The following TMEM132B variants were observed in gnomAD, a reference collection of about 807,000 sequenced individuals.
TMEM132B encodes the protein transmembrane protein 132B.
In TMEM132B, 18 loss-of-function variants were observed where a neutral mutation model predicts 90.8. That is an observed-to-expected ratio of 0.20 (90% CI 0.14 to 0.29). The LOEUF is 0.29. TMEM132B is among the 10% of genes least tolerant of loss of function. The pLI is 1.00. For missense variants in TMEM132B, 1,096 were observed against 1,326.8 expected (o/e 0.83, Z 2.70); for synonymous variants, 504 against 523.3 (o/e 0.96, Z 0.50).
chr12:125,326,499 G>T, intron 1 of TMEM132B: 1 of 1,130,732 alleles, frequency 8.8e-7, no homozygotes, highest in Non-Finnish European at 1.3e-6. Context: ...CGTTGTCCTG[G>T]CAACCTGTAT....
At position 125,222,423 on chromosome 12, in the gene TMEM132B, C is replaced by T. The variant is rs1426145921; in HGVS notation, c.67+35557C>T. Among the ~76,000 whole-genome samples, 4 of 152,076 alleles carry T rather than the reference C, an allele frequency of 2.6e-5. No homozygotes were observed. The East Asian group carries it at 5.8e-4, about 22-fold the overall frequency. On this transcript the variant is annotated intron_variant, in intron 1 of 8. Transcript: ENST00000682704. ...TATGCCAGGAGATCGTAAATTTGGC[C>T]TTGGGTATCCTGGCAGCCAAGGCGA...
At chr12:125,295,860 A>G (rs1875660056) in intron 1 of TMEM132B, among the ~76,000 whole-genome samples, 2 of 152,202 alleles carry the variant, frequency 1.3e-5, no homozygotes, top group Non-Finnish European at 2.9e-5. Flanking sequence ...AAATAAAACG[A>G]TGCATAACAC....
At chr12:125,546,022 C>A (rs1269082633) in intron 4 of TMEM132B, among the ~76,000 whole-genome samples, 5 of 152,116 alleles carry the variant, frequency 3.3e-5, no homozygotes, top group Non-Finnish European at 7.4e-5. Flanking sequence ...TTAAGTATAT[C>A]ATTCAGGGAA....
At chr12:125,625,130 CTT>C (rs1169262449) in intron 5 of TMEM132B, among the ~76,000 whole-genome samples, 32 of 103,896 alleles carry the variant, frequency 3.1e-4, no homozygotes, top group South Asian at 7.1e-4. Context: ...GATTTGACTT[CTT>C]TTTTTTTTTT....
intron 8 of TMEM132B, 146 bp from the exon 9 acceptor site, chr12:125,653,419 C>A: frequency 1.1e-6 from 1 of 885,556 alleles, no homozygotes; most frequent in Non-Finnish European, 1.7e-6. Flanking sequence ...TCAACCAGTT[C>A]AAGGCATAAC....
In TMEM132B at chr12:125,308,275, A is replaced by G. The variant is rs779439688; in HGVS notation, c.68-41177A>G. The stretch of plus-strand genomic sequence containing the variant: ...TTTGCAACTTGCCTATTTTCCCTCA[A>G]CAATGCATCCTGAAGATGGTTTCAC... On this transcript the variant is annotated intron_variant, in intron 1 of 8. Coordinates refer to ENST00000682704, the MANE Select transcript of TMEM132B (RefSeq NM_001366854.1). Among the ~76,000 whole-genome samples, 31 of 152,066 alleles carry G rather than the reference A, an allele frequency of 2.0e-4. No homozygotes were observed. The Middle Eastern group carries it at 0.01, about 50-fold the overall frequency.
At chr12:125,329,369 C>A (rs1388089679) in intron 1 of TMEM132B, among the ~76,000 whole-genome samples, 1 of 152,160 alleles carries the variant, frequency 6.6e-6, no homozygotes, top group Non-Finnish European at 1.5e-5. Flanking sequence ...TGTGCCTGAT[C>A]CATCCCATTG....
intron 3 of TMEM132B, among the ~76,000 whole-genome samples, chr12:125,440,788 G>A (rs1880848744): frequency 6.6e-6 from 1 of 151,970 alleles, no homozygotes. Context: ...AAAAATATCA[G>A]GAGATCTGAC....
At chr12:125,397,584 G>T (rs1319631403) in intron 2 of TMEM132B, among the ~76,000 whole-genome samples, 1 of 152,156 alleles carries the variant, frequency 6.6e-6, no homozygotes, top group African/African-American at 2.4e-5. Context: ...GCCAAGTGTT[G>T]GTCATGGTGT....
chr12:125,480,722 C>A (rs1882015543), intron 3 of TMEM132B, among the ~76,000 whole-genome samples: 1 of 152,098 alleles, frequency 6.6e-6, no homozygotes, highest in Non-Finnish European at 1.5e-5. Context: ...CTATTCCAAT[C>A]AATAGAAAAA....
intron 1 of TMEM132B, among the ~76,000 whole-genome samples, chr12:125,285,868 G>T (rs759653449): frequency 5.9e-5 from 9 of 152,208 alleles, no homozygotes; most frequent in Non-Finnish European, 1.2e-4. Flanking sequence ...CTGGGGTGGT[G>T]GGGGGCATCA....
intron 1 of TMEM132B, among the ~76,000 whole-genome samples, chr12:125,291,440 G>A (rs180766621): frequency 2.0e-5 from 3 of 152,306 alleles, no homozygotes; most frequent in African/African-American, 7.2e-5. Flanking sequence ...GAAGTTAGAG[G>A]GGTTTGAAGT....
rs1447678029 is a variant in TMEM132B, at chr12:125,203,959, G to C, written c.67+17093G>C. Among the ~76,000 whole-genome samples the C allele has an allele frequency of 2.6e-5, 4 of 152,238 alleles. No individual in the cohort carries two copies. The East Asian group carries it at 7.7e-4, about 29-fold the overall frequency. ...GTATAACAGGGGATTGGAATAAAAA[G>C]GGCTGAGAAGTATAGAGAACCTTAA... is the stretch of plus-strand genomic sequence containing the variant. On this transcript the variant is annotated intron_variant, in intron 1 of 8. Transcript: ENST00000682704.
At chr12:125,292,614 T>C (rs1875571337) in intron 1 of TMEM132B, among the ~76,000 whole-genome samples, 1 of 152,226 alleles carries the variant, frequency 6.6e-6, no homozygotes, top group African/African-American at 2.4e-5. Flanking sequence ...TATGGCTAAA[T>C]CCAAGGACTC....
chr12:125,405,207 T>C (rs755826258), intron 2 of TMEM132B, among the ~76,000 whole-genome samples: 1 of 152,222 alleles, frequency 6.6e-6, no homozygotes, highest in African/African-American at 2.4e-5. Context: ...CTCATGCTTT[T>C]CCCCTACCTT....
chr12:125,210,401 T>G (rs1873293020), intron 1 of TMEM132B, among the ~76,000 whole-genome samples: 1 of 152,032 alleles, frequency 6.6e-6, no homozygotes, highest in South Asian at 2.1e-4. Context: ...CCGATGAGGG[T>G]GATCACATGG....
chr12:125,453,741 T>C (rs1250380003), intron 3 of TMEM132B, among the ~76,000 whole-genome samples: 1 of 152,204 alleles, frequency 6.6e-6, no homozygotes, highest in Non-Finnish European at 1.5e-5. Context: ...CATTTTCTAT[T>C]CCTATTCCTC....
At chr12:125,296,674 C>A (rs1261254739) in intron 1 of TMEM132B, among the ~76,000 whole-genome samples, 1 of 152,350 alleles carries the variant, frequency 6.6e-6, no homozygotes, top group African/African-American at 2.4e-5. Flanking sequence ...GGCATAGAAC[C>A]CAGCACCTGG....
intron 1 of TMEM132B, among the ~76,000 whole-genome samples, chr12:125,275,339 C>T (rs1311314537): frequency 2.0e-5 from 3 of 152,128 alleles, no homozygotes; most frequent in Non-Finnish European, 2.9e-5. Context: ...TTCATAGGAC[C>T]AGTGCAGTGT....
Sources: gnomAD v4.1 joint callset for allele counts (sites outside exome capture counted in the v4.1 genomes callset) on GRCh38, gnomAD v4.1.1 for gene constraint, MANE v1.5 for transcripts, NCBI Gene and HGNC (gene_info 2026-07-23, HGNC 2026-07-21) for gene names.